The following MLIP variants were observed in gnomAD, a reference collection of about 807,000 sequenced individuals.
The protein encoded by MLIP is muscular LMNA-interacting protein.
Under a neutral mutation model 84.8 loss-of-function variants are expected in MLIP, and 79 were observed. That is an observed-to-expected ratio of 0.93 (90% CI 0.78 to 1.12). The LOEUF (loss-of-function observed/expected upper bound fraction) is 1.12. Among genes scored for constraint, MLIP ranks in the 50% most tolerant of loss-of-function variants. The pLI is 0.00. For synonymous variants in MLIP, 504 were observed against 463.0 expected, an observed-to-expected ratio of 1.09 and a Z score of -1.14; for missense variants, 1,257 against 1,160.6, an observed-to-expected ratio of 1.08 and a Z score of -1.21.
At chr6:54,206,403 A>G (rs569055850) in intron 11 of MLIP, among the ~76,000 whole-genome samples, 35 of 152,292 alleles carry the variant, frequency 2.3e-4, no homozygotes, top group African/African-American at 7.7e-4. Context: ...CTGATTTTCC[A>G]AGAAATATTT....
chr6:54,160,070 A>G (rs1582329306), intron 5 of MLIP, among the ~76,000 whole-genome samples: 1 of 152,086 alleles, frequency 6.6e-6, no homozygotes, highest in East Asian at 1.9e-4. Context: ...AAAACAAGCA[A>G]TGGGGAAAGA....
rs967697271 is a variant in MLIP at position 54,083,512 on chromosome 6, C to T, written c.64-37935C>T. 5.2e-6 allele frequency: 8 copies of T among 1,535,370 alleles called. No individual in the cohort carries two copies. The African/African-American group carries it at 9.6e-5, about 18-fold the overall frequency. On this transcript the variant is annotated intron_variant, in intron 1 of 12. Transcript: ENST00000274897. ...AGTGTTTGTCAATGAGTTCTATTGGCTGACACTGACCTTGCCGTTACAACC... is the reference window on the plus strand; with the variant it reads ...AGTGTTTGTCAATGAGTTCTATTGGTTGACACTGACCTTGCCGTTACAACC...
rs61140058 is a variant in MLIP at position 54,146,594 on chromosome 6, C to A, written c.2218-2462C>A. Among the ~76,000 whole-genome samples, 325 of 152,288 alleles carry A rather than the reference C, an allele frequency of 2.1e-3. 2 individuals are homozygous for A. The highest frequency in any genetic ancestry group is 7.5e-3 in the African/African-American group (311 of 41,568). Reference sequence around the variant, plus strand: ...TTTTGTACTAATTCTAACACTTAGACCTGAATGTTCTGCCTTGGGAGGCAA... The same window carrying A: ...TTTTGTACTAATTCTAACACTTAGAACTGAATGTTCTGCCTTGGGAGGCAA... On this transcript the variant is annotated intron_variant, in intron 4 of 13. Transcript: ENST00000502396.
intron 11 of MLIP, among the ~76,000 whole-genome samples, chr6:54,224,298 A>G (rs778230412): frequency 9.9e-5 from 15 of 152,000 alleles, no homozygotes; most frequent in Non-Finnish European, 1.9e-4. Flanking sequence ...AAAATACGAC[A>G]CTGCTTCTCT....
At chr6:54,119,835 G>A (rs1208861339) in intron 1 of MLIP, among the ~76,000 whole-genome samples, 1 of 151,968 alleles carries the variant, frequency 6.6e-6, no homozygotes, top group Admixed American at 6.6e-5. Flanking sequence ...AACAAAAGTG[G>A]TTCTCATCAT....
chr6:54,085,933 C>A (rs1767456966), intron 1 of MLIP, among the ~76,000 whole-genome samples: 1 of 152,154 alleles, frequency 6.6e-6, no homozygotes, highest in South Asian at 2.1e-4. Context: ...GCTCTCACTT[C>A]TTCTGAATTC....
In MLIP at chr6:54,137,151, C is replaced by T. The variant is rs953951358; in HGVS notation, c.1082C>T (p.Ala361Val). 6.5e-7 allele frequency: 1 copy of T among 1,535,982 alleles called. No individual in the cohort carries two copies. Among genetic ancestry groups the T allele is most frequent in the African/African-American group, 1.4e-5 (1 of 73,026 alleles). ...AGTGCTTCTCTGAAGTCGAATTCGGCCTCGTACATACCAGTCCGCATTGTC... is the reference window on the plus strand; with the variant it reads ...AGTGCTTCTCTGAAGTCGAATTCGGTCTCGTACATACCAGTCCGCATTGTC... ...SSSASLKSNS[A>V]SYIPVRIVTH... The change falls in exon 4 of 14, where the codon GCC (alanine) becomes GTC (valine). Residue 361 changes from alanine (A) to valine (V), a missense_variant. Ala to Val is a moderately conservative substitution (Grantham distance 64). Transcript: ENST00000502396.
chr6:54,033,557 G>A lies in MLIP; in HGVS notation c.63+14466G>A, dbSNP rs529961014. Among the ~76,000 whole-genome samples the A allele has an allele frequency of 4.6e-5, 7 of 152,118 alleles. No homozygotes were observed. The East Asian group carries it at 9.7e-4, about 21-fold the overall frequency. On this transcript the variant is annotated intron_variant, in intron 1 of 12. Transcript: ENST00000274897. ...TGGGATTACAGGTGTGAGCCACCAC[G>A]CCCGGGTGGAACTAAGTCTTAAGTC...
At chr6:54,043,855 A>G (rs967717911) in intron 1 of MLIP, among the ~76,000 whole-genome samples, 2 of 152,194 alleles carry the variant, frequency 1.3e-5, no homozygotes, top group South Asian at 2.1e-4. Context: ...TCATGGTGAC[A>G]GTGTGTGGAA....
intron 11 of MLIP, among the ~76,000 whole-genome samples, chr6:54,210,007 C>T (rs1161194450): frequency 2.0e-5 from 1 of 48,864 alleles, no homozygotes; most frequent in Non-Finnish European, 4.1e-5. Context: ...AAAAAATTAA[C>T]TATACAGTTA....
intron 5 of MLIP, among the ~76,000 whole-genome samples, chr6:54,152,339 T>C (rs920823778): frequency 6.6e-6 from 1 of 152,210 alleles, no homozygotes; most frequent in African/African-American, 2.4e-5. Context: ...TTTTAGTCTT[T>C]GTATTAATCT....
intron 4 of MLIP, among the ~76,000 whole-genome samples, chr6:54,142,050 A>G (rs1215629586): frequency 6.6e-6 from 1 of 152,244 alleles, no homozygotes; most frequent in Non-Finnish European, 1.5e-5. Flanking sequence ...GCAGCAGTCT[A>G]TCTGTGACTT....
chr6:54,147,396 G>A lies in MLIP; in HGVS notation c.2218-1660G>A, dbSNP rs76496461. Among the ~76,000 whole-genome samples, 1,283 of 152,194 alleles carry A rather than the reference G, an allele frequency of 8.4e-3. 18 individuals carry two copies. Among genetic ancestry groups the A allele is most frequent in the African/African-American group, 0.028 (1,176 of 41,540 alleles). On this transcript the variant is annotated intron_variant, in intron 4 of 13. Coordinates refer to ENST00000502396, the MANE Select transcript of MLIP (RefSeq NM_001281747.2). ...ATGGAAAGATAGTATTTCAATTTCC[G>A]TCCTTTTTCAAATATCTTGTTGTCT...
At chr6:54,136,578 A>T in intron 3 of MLIP, 137 bp from the exon 4 acceptor site, 5 of 685,384 alleles carry the variant, frequency 7.3e-6, no homozygotes, top group Middle Eastern at 3.5e-4. Context: ...GCAAAATAGA[A>T]TTTCCTTCAT....
upstream of MLIP, among the ~76,000 whole-genome samples, chr6:54,108,274 A>C (rs962397327): frequency 6.6e-6 from 1 of 152,142 alleles, no homozygotes; most frequent in African/African-American, 2.4e-5. Context: ...TGTGATTATA[A>C]AATGCTTAAG....
chr6:54,244,718 A>G (rs985108546), intron 12 of MLIP, among the ~76,000 whole-genome samples: 1 of 152,198 alleles, frequency 6.6e-6, no homozygotes, highest in African/African-American at 2.4e-5. Context: ...TTAATTAATC[A>G]TAAAACAGTT....
At chr6:54,089,220 T>C (rs1353413791) in intron 1 of MLIP, among the ~76,000 whole-genome samples, 1 of 152,186 alleles carries the variant, frequency 6.6e-6, no homozygotes, top group Non-Finnish European at 1.5e-5. Flanking sequence ...CCATGCTGGG[T>C]TACATAGCAT....
At chr6:54,232,783 A>T (rs914137971) in intron 12 of MLIP, among the ~76,000 whole-genome samples, 1 of 152,234 alleles carries the variant, frequency 6.6e-6, no homozygotes, top group Admixed American at 6.5e-5. Flanking sequence ...ATGATTCCCA[A>T]GTCTGACCTT....
chr6:54,105,177 A>C (rs1237341152), intron 1 of MLIP, among the ~76,000 whole-genome samples: 3 of 152,158 alleles, frequency 2.0e-5, no homozygotes, highest in African/African-American at 7.2e-5. Flanking sequence ...TGGACATTTC[A>C]CAGCCCTGAG....
Sources: allele counts gnomAD v4.1 joint callset (sites outside exome capture counted in the v4.1 genomes callset), GRCh38; gene constraint gnomAD v4.1.1; transcripts MANE v1.5; gene names NCBI Gene and HGNC (gene_info 2026-07-23, HGNC 2026-07-21).